The following IRAG1 variants were observed in gnomAD, a reference collection of about 807,000 sequenced individuals.
IRAG1 encodes IP3R-associated cGMP kinase substrate.
In IRAG1, 62 loss-of-function variants were observed where a neutral mutation model predicts 106.2. The ratio of observed to expected loss-of-function variants is 0.58; its 90% CI spans 0.48 to 0.72. The LOEUF (loss-of-function observed/expected upper bound fraction) is 0.72. Ranked by LOEUF, IRAG1 falls within the 30% of genes least tolerant of loss-of-function variation. The pLI, the probability that IRAG1 is intolerant of heterozygous loss-of-function variation, is 0.00. For missense variants in IRAG1, 1,064 were observed against 1,140.7 expected, an observed-to-expected ratio of 0.93 and a Z score of 0.97; for synonymous variants, 462 against 443.9, an observed-to-expected ratio of 1.04 and a Z score of -0.51.
intron 1 of IRAG1, among the ~76,000 whole-genome samples, chr11:10,666,771 G>A (rs1859816436): frequency 6.6e-6 from 1 of 152,250 alleles, no homozygotes; most frequent in Admixed American, 6.5e-5. Context: ...ACTGCCTGGA[G>A]ATGCCTCAGC....
intron 5 of IRAG1, 43 bp downstream of exon 5, chr11:10,629,495 T>C (rs1197672981): frequency 6.3e-7 from 1 of 1,591,460 alleles, no homozygotes; most frequent in Non-Finnish European, 8.6e-7. Context: ...CTCCCGACCC[T>C]AGAGGGGCTC....
At chr11:10,585,266 T>C (rs1290428213) in intron 18 of IRAG1, among the ~76,000 whole-genome samples, 1 of 152,130 alleles carries the variant, frequency 6.6e-6, no homozygotes, top group Non-Finnish European at 1.5e-5. Flanking sequence ...TCGACTCTTT[T>C]ACATGCAGAT....
chr11:10,693,671 G>C lies in IRAG1; in HGVS notation c.-69C>G, dbSNP rs564348065. 1 of 1,495,630 alleles carries C rather than the reference G, an allele frequency of 6.7e-7. No homozygotes were observed. Among genetic ancestry groups the C allele is most frequent in the Non-Finnish European group, 9.0e-7 (1 of 1,113,308 alleles). The allele number at this position is 1,495,630 out of a possible 1,614,324, so 92.6% of individuals were successfully genotyped here. Reference sequence around the variant, plus strand: ...AGCCTCTGGCTGCAGAACCTCGGCCGCACGCCTCCTCTGAGAGGGGCTGGG... The same window carrying C: ...AGCCTCTGGCTGCAGAACCTCGGCCCCACGCCTCCTCTGAGAGGGGCTGGG... On this transcript the variant is annotated 5_prime_UTR_variant, in exon 1 of 21. Coordinates refer to ENST00000423302, the MANE Select transcript of IRAG1 (RefSeq NM_130385.4).
At position 10,604,444 on chromosome 11, in the gene IRAG1, G is replaced by A. The variant is rs764444994; in HGVS notation, c.1704C>T (p.Asn568=). 1 of 1,614,014 alleles carries A rather than the reference G, an allele frequency of 6.2e-7. No homozygotes were observed. The highest frequency in any genetic ancestry group is 1.1e-5 in the South Asian group (1 of 91,084). The change falls in exon 13 of 21, where the codon AAC becomes AAT. Residue 568 remains asparagine, a synonymous_variant. Coordinates refer to ENST00000423302, the MANE Select transcript of IRAG1 (RefSeq NM_130385.4). ...AERERNLTEE[N]TEKELENFKA... ...TGAAGTTTTCCAGTTCTTTCTCAGTGTTCTCCTCTGTCAGGTTGCGTTCCC... is the reference window on the plus strand; with the variant it reads ...TGAAGTTTTCCAGTTCTTTCTCAGTATTCTCCTCTGTCAGGTTGCGTTCCC...
intron 10 of IRAG1, among the ~76,000 whole-genome samples, chr11:10,621,688 G>C (rs1855847969): frequency 6.6e-6 from 1 of 152,184 alleles, no homozygotes; most frequent in Non-Finnish European, 1.5e-5. Flanking sequence ...AAGAATCCCT[G>C]CCCCTCTTAG....
chr11:10,582,827 A>G (rs1032691877), intron 18 of IRAG1, among the ~76,000 whole-genome samples: 3 of 152,148 alleles, frequency 2.0e-5, no homozygotes, highest in Non-Finnish European at 4.4e-5. Flanking sequence ...GTGGTGGCAC[A>G]CACCTGTAAT....
In IRAG1 at chr11:10,573,837, A is replaced by G. The variant is rs754142039; in HGVS notation, c.*2495T>C. On this transcript the variant is annotated 3_prime_UTR_variant, in exon 21 of 21. Coordinates refer to ENST00000423302, the MANE Select transcript of IRAG1 (RefSeq NM_130385.4). ...ATTCCCCACCTGGAGTTCTGCTTCC[A>G]CGGCCACTCTCTAGAACTCTATTTG... 2.0e-5 allele frequency: 3 copies of G among 152,244 alleles called. No homozygotes were observed. Among genetic ancestry groups the G allele is most frequent in the Non-Finnish European group, 4.4e-5 (3 of 68,110 alleles). 9.4% of individuals were successfully genotyped at this position (152,244 alleles called of 1,614,324 possible).
intron 1 of IRAG1, among the ~76,000 whole-genome samples, chr11:10,666,429 A>G (rs1485520412): frequency 1.3e-5 from 2 of 152,214 alleles, no homozygotes; most frequent in African/African-American, 2.4e-5. Flanking sequence ...GTATACCATA[A>G]TGAAGGCTTC....
At chr11:10,634,753 T>TGGTGTGTGTGTG (rs368243958) in intron 2 of IRAG1, among the ~76,000 whole-genome samples, 1 of 144,936 alleles carries the variant, frequency 6.9e-6, no homozygotes, top group Non-Finnish European at 1.5e-5. Flanking sequence ...AATAATATTC[T>TGGTGTGTGTGTG]TGTGTGTGTG....
intron 3 of IRAG1, among the ~76,000 whole-genome samples, chr11:10,633,156 G>T (rs1365126154): frequency 4.0e-5 from 6 of 148,190 alleles, no homozygotes; most frequent in Non-Finnish European, 7.4e-5. Context: ...CTCACTGCAA[G>T]CTCCGCCTCC....
chr11:10,573,489 T>A lies in IRAG1; in HGVS notation c.*2843A>T, dbSNP rs982813457. 1 of 152,408 alleles carries A rather than the reference T, an allele frequency of 6.6e-6. No homozygotes were observed. The highest frequency in any genetic ancestry group is 2.4e-5 in the African/African-American group (1 of 41,464). The allele number at this position is 152,408 out of a possible 1,614,324, so 9.4% of individuals were successfully genotyped here. On this transcript the variant is annotated 3_prime_UTR_variant, in exon 21 of 21. Coordinates refer to ENST00000423302, the MANE Select transcript of IRAG1 (RefSeq NM_130385.4). ...CCGCTTGGGCAGCAGCTCCCACTGC[T>A]TCAGGCTGGTCTTTGCTTTCCAGAA...
chr11:10,645,395 C>G (rs1211199374), intron 2 of IRAG1, among the ~76,000 whole-genome samples: 1 of 152,236 alleles, frequency 6.6e-6, no homozygotes, highest in African/African-American at 2.4e-5. Flanking sequence ...CTGGCTTAAC[C>G]TTTCCAAGCC....
chr11:10,674,478 G>A (rs551810218), intron 1 of IRAG1, among the ~76,000 whole-genome samples: 5 of 152,160 alleles, frequency 3.3e-5, no homozygotes, highest in Non-Finnish European at 7.3e-5. Context: ...TCACTCCAGA[G>A]CTTCCCAGTA....
intron 1 of IRAG1, among the ~76,000 whole-genome samples, chr11:10,684,257 C>T (rs1053017345): frequency 1.3e-5 from 2 of 152,086 alleles, no homozygotes; most frequent in Non-Finnish European, 2.9e-5. Flanking sequence ...CACATATACA[C>T]CATGGAATAC....
chr11:10,587,890 A>G (rs1852198938), intron 18 of IRAG1, among the ~76,000 whole-genome samples: 3 of 152,242 alleles, frequency 2.0e-5, no homozygotes, highest in Admixed American at 1.3e-4. Flanking sequence ...GTGCTCTGCT[A>G]TCTACCAGCT....
chr11:10,631,196 AT>A (rs567961872), intron 4 of IRAG1, among the ~76,000 whole-genome samples: 3 of 151,700 alleles, frequency 2.0e-5, no homozygotes, highest in Admixed American at 1.3e-4. Flanking sequence ...GCTTTTGTAA[AT>A]TTTTTTTTGG....
At chr11:10,604,358 G>A (rs1854304346) in intron 13 of IRAG1, 47 bp downstream of exon 13, 1 of 1,611,348 alleles carries the variant, frequency 6.2e-7, no homozygotes, top group Admixed American at 1.7e-5. Context: ...TGGCCCTTGG[G>A]GACAGTCTCT....
At chr11:10,620,468 C>T (rs1855752277) in intron 10 of IRAG1, among the ~76,000 whole-genome samples, 1 of 151,952 alleles carries the variant, frequency 6.6e-6, no homozygotes. Context: ...AACGAAAAAC[C>T]CCAGACCTAA....
chr11:10,676,521 A>T (rs1339790997), intron 1 of IRAG1, among the ~76,000 whole-genome samples: 1 of 152,196 alleles, frequency 6.6e-6, no homozygotes, highest in Non-Finnish European at 1.5e-5. Flanking sequence ...TTGAGGAATG[A>T]GCACGTGACT....
Sources: allele counts gnomAD v4.1 joint callset (sites outside exome capture counted in the v4.1 genomes callset), GRCh38; gene constraint gnomAD v4.1.1; transcripts MANE v1.5; gene names NCBI Gene and HGNC (gene_info 2026-07-23, HGNC 2026-07-21).